The following IL23R variants were observed in gnomAD, a reference collection of about 807,000 sequenced individuals.
The protein encoded by IL23R is interleukin-23 receptor.
Under a neutral mutation model 56.9 loss-of-function variants are expected in IL23R, and 34 were observed. The ratio of observed to expected loss-of-function variants is 0.60; its 90% CI spans 0.45 to 0.80. The LOEUF (loss-of-function observed/expected upper bound fraction) is 0.80, where lower values mean the gene tolerates loss of function less well. Ranked by LOEUF, IL23R falls within the 30% of genes least tolerant of loss-of-function variation. The pLI is 0.00. For synonymous variants in IL23R, 230 were observed against 249.2 expected, an observed-to-expected ratio of 0.92 and a Z score of 0.73; for missense variants, 635 against 730.0, an observed-to-expected ratio of 0.87 and a Z score of 1.50.
intron 9 of IL23R, among the ~76,000 whole-genome samples, chr1:67,249,359 A>C (rs1652468855): frequency 6.6e-6 from 1 of 152,214 alleles, no homozygotes; most frequent in Non-Finnish European, 1.5e-5. Flanking sequence ...ACTTTCTAAA[A>C]GATACCATAT....
At chr1:67,157,865 T>C (rs529198731) in intron 1 of IL23R, among the ~76,000 whole-genome samples, 37 of 152,342 alleles carry the variant, frequency 2.4e-4, no homozygotes, top group Admixed American at 2.3e-3. Flanking sequence ...GTCTGTTTTG[T>C]TTACCCCTTT....
At chr1:67,163,468 C>CAAAAAAAAAAAAAAAAAAAAAA (rs57495148), upstream of IL23R, among the ~76,000 whole-genome samples, 1 of 49,586 alleles carries the variant, frequency 2.0e-5, no homozygotes, top group Non-Finnish European at 3.2e-5. Context: ...GACCCTGTCT[C>CAAAAAAAAAAAAAAAAAAAAAA]AAAAAAAAAA....
chr1:67,261,591 A>G (rs1046447715), downstream of IL23R, among the ~76,000 whole-genome samples: 4 of 152,134 alleles, frequency 2.6e-5, no homozygotes, highest in East Asian at 7.7e-4. Context: ...CTTGACTTGT[A>G]AATTGCCGTA....
At position 67,206,920 on chromosome 1, in the gene IL23R, T is replaced by G. The variant is rs543887449; in HGVS notation, c.663T>G (p.Ser221=). 1.8e-5 allele frequency: 27 copies of G among 1,472,234 alleles called. No individual in the cohort carries two copies. The highest frequency in any genetic ancestry group is 2.4e-5 in the Non-Finnish European group (26 of 1,074,538). The allele number at this position is 1,472,234 out of a possible 1,614,324, so 91.2% of individuals were successfully genotyped here. A position where few individuals can be genotyped will look rare whatever the true frequency, so the allele number is the denominator to read the frequency against. The change falls in exon 6 of 11, where the codon TCT becomes TCG. Residue 221 remains serine (S), a synonymous_variant. Coordinates refer to ENST00000347310, the MANE Select transcript of IL23R (RefSeq NM_144701.3). ...TTTTTTTTTTTCTAGTGATACCTTC[T>G]GCAGCCGTCATTTCCAGGGCTGAGA... ...QIHLDDIVIP[S]AAVISRAETI... is the part of the protein sequence containing the mutation.
At chr1:67,167,725 TA>T (rs1472670921) in intron 1 of IL23R, among the ~76,000 whole-genome samples, 4 of 152,020 alleles carry the variant, frequency 2.6e-5, no homozygotes, top group African/African-American at 4.8e-5. Flanking sequence ...CCCTTGTCTC[TA>T]AAAAAATTTA....
intron 1 of IL23R, among the ~76,000 whole-genome samples, chr1:67,142,724 C>T (rs529569705): frequency 2.0e-5 from 3 of 152,202 alleles, no homozygotes; most frequent in South Asian, 2.1e-4. Context: ...TGCCACCAAG[C>T]CCGGCCAATT....
intron 4 of IL23R, among the ~76,000 whole-genome samples, chr1:67,196,825 C>T (rs985217466): frequency 1.4e-4 from 22 of 152,040 alleles, no homozygotes; most frequent in African/African-American, 4.6e-4. Flanking sequence ...TTAAAGGTGA[C>T]GAAGAGAAAA....
chr1:67,206,740 A>G (rs915485451), intron 5 of IL23R, among the ~76,000 whole-genome samples, 170 bp from the exon 6 acceptor site: 7 of 151,640 alleles, frequency 4.6e-5, no homozygotes, highest in Non-Finnish European at 8.8e-5. Context: ...GTTTTCTTCT[A>G]TGTAACAAAT....
At chr1:67,215,444 C>T (rs971633108) in intron 6 of IL23R, among the ~76,000 whole-genome samples, 1 of 152,120 alleles carries the variant, frequency 6.6e-6, no homozygotes, top group African/African-American at 2.4e-5. Flanking sequence ...TGGGCATGTC[C>T]TTATGGTGAT....
downstream of IL23R, among the ~76,000 whole-genome samples, chr1:67,263,669 G>A (rs946975680): frequency 9.2e-5 from 14 of 152,144 alleles, no homozygotes; most frequent in Admixed American, 2.0e-4. Flanking sequence ...TCAACACTTT[G>A]GGAGGCTGAG....
chr1:67,198,880 G>T (rs1648385924), intron 4 of IL23R, among the ~76,000 whole-genome samples: 1 of 152,184 alleles, frequency 6.6e-6, no homozygotes, highest in Admixed American at 6.5e-5. Context: ...AGGAGGTCAA[G>T]GTTGCAGTGA....
intron 6 of IL23R, among the ~76,000 whole-genome samples, chr1:67,218,089 G>A (rs989875573): frequency 6.6e-6 from 1 of 151,698 alleles, no homozygotes; most frequent in African/African-American, 2.4e-5. Flanking sequence ...CAAATGCCTT[G>A]GTTTCTTTCT....
chr1:67,158,212 T>A (rs1646786824), intron 1 of IL23R, among the ~76,000 whole-genome samples: 1 of 150,160 alleles, frequency 6.7e-6, no homozygotes, highest in African/African-American at 2.5e-5. Context: ...CAAGACTCCA[T>A]GTCAAAAAAA....
At chr1:67,240,431 T>G in intron 9 of IL23R, 150 bp downstream of exon 9, 1 of 648,102 alleles carries the variant, frequency 1.5e-6, no homozygotes, top group South Asian at 1.8e-5. Context: ...AATAAGTACT[T>G]ACCCATGCCA....
intron 10 of IL23R, among the ~76,000 whole-genome samples, chr1:67,256,456 C>A (rs573464402): frequency 2.0e-5 from 3 of 152,090 alleles, no homozygotes; most frequent in South Asian, 2.1e-4. Context: ...AGGCCACACA[C>A]CAGGAAGCCC....
intron 5 of IL23R, among the ~76,000 whole-genome samples, chr1:67,203,518 T>C (rs1032056240): frequency 6.6e-6 from 1 of 152,070 alleles, no homozygotes; most frequent in Non-Finnish European, 1.5e-5. Context: ...CTCCTCCACC[T>C]CTTCCTCCCC....
At chr1:67,242,568 G>A (rs890685426) in intron 9 of IL23R, among the ~76,000 whole-genome samples, 2 of 152,138 alleles carry the variant, frequency 1.3e-5, no homozygotes, top group South Asian at 2.1e-4. Context: ...TAAGGGTTCC[G>A]ATGGGTGTGG....
In IL23R at chr1:67,182,850, C is replaced by A; in HGVS notation, c.382C>A (p.Pro128Thr). The change falls in exon 4 of 11, where the codon CCT (proline) becomes ACT (threonine). Residue 128 changes from proline to threonine, a missense_variant. By Grantham distance (38) the Pro-to-Thr change is conservative. Transcript: ENST00000347310. ...TTTTGTTGCAGATCCGCCAGATATT[C>A]CTGATGAAGTAACCTGTGTCATTTA... is the stretch of plus-strand genomic sequence containing the variant. ...DISSGYPPDI[P>T]DEVTCVIYEY... 1 of 1,614,020 alleles carries A rather than the reference C, an allele frequency of 6.2e-7. No homozygotes were observed. The highest frequency in any genetic ancestry group is 8.5e-7 in the Non-Finnish European group (1 of 1,179,934).
chr1:67,208,217 A>T (rs916003464), intron 6 of IL23R, among the ~76,000 whole-genome samples: 2 of 152,248 alleles, frequency 1.3e-5, no homozygotes, highest in African/African-American at 4.8e-5. Flanking sequence ...GAAACAGAAC[A>T]TAAAAGTTCA....
Sources: gnomAD v4.1 joint callset for allele counts (sites outside exome capture counted in the v4.1 genomes callset) on GRCh38, gnomAD v4.1.1 for gene constraint, MANE v1.5 for transcripts, NCBI Gene and HGNC (gene_info 2026-07-23, HGNC 2026-07-21) for gene names.